KCNIP1: variants seen among roughly 807,000 people sequenced by gnomAD.
KCNIP1 encodes the protein A-type potassium channel modulatory protein KCNIP1.
A neutral mutation model predicts 33.0 loss-of-function variants in KCNIP1; 18 were observed. That is an observed-to-expected ratio of 0.55 (90% CI 0.38 to 0.81). The LOEUF is 0.81. KCNIP1 is among the 30% of genes least tolerant of loss of function. KCNIP1 has a pLI of 0.00. For missense variants in KCNIP1, 238 were observed against 271.6 expected (o/e 0.88, Z 0.87); for synonymous variants, 93 against 98.3 (o/e 0.95, Z 0.32).
intron 1 of KCNIP1, among the ~76,000 whole-genome samples, chr5:170,551,034 A>G (rs917310404): frequency 6.6e-6 from 1 of 152,140 alleles, no homozygotes; most frequent in Non-Finnish European, 1.5e-5. Flanking sequence ...CACTGTGCCA[A>G]TGTAAGCTTC....
intron 1 of KCNIP1, among the ~76,000 whole-genome samples, chr5:170,393,795 A>G (rs1242073883): frequency 6.6e-6 from 1 of 152,100 alleles, no homozygotes; most frequent in Non-Finnish European, 1.5e-5. Flanking sequence ...TCTTTTCACC[A>G]TATTTTCCCT....
At chr5:170,580,682 C>T (rs1732706217) in intron 1 of KCNIP1, among the ~76,000 whole-genome samples, 1 of 152,084 alleles carries the variant, frequency 6.6e-6, no homozygotes, top group South Asian at 2.1e-4. Flanking sequence ...GATGTATTAA[C>T]ATGAAGAAAA....
At chr5:170,361,747 T>C (rs1763518464) in intron 1 of KCNIP1, among the ~76,000 whole-genome samples, 1 of 152,230 alleles carries the variant, frequency 6.6e-6, no homozygotes, top group Non-Finnish European at 1.5e-5. Flanking sequence ...CAGCATCTCC[T>C]GCTGTATTCT....
intron 1 of KCNIP1, among the ~76,000 whole-genome samples, chr5:170,647,924 T>C (rs1469529269): frequency 1.3e-5 from 2 of 152,088 alleles, no homozygotes; most frequent in African/African-American, 2.4e-5. Flanking sequence ...CTCTTAAAAA[T>C]CAATAATTAG....
At chr5:170,465,201 A>T (rs1194095093) in intron 1 of KCNIP1, among the ~76,000 whole-genome samples, 1 of 152,212 alleles carries the variant, frequency 6.6e-6, no homozygotes, top group African/African-American at 2.4e-5. Context: ...TACAGATGAT[A>T]AAATTTTTCT....
At chr5:170,638,653 C>T (rs185149023) in intron 1 of KCNIP1, among the ~76,000 whole-genome samples, 2 of 152,288 alleles carry the variant, frequency 1.3e-5, no homozygotes, top group East Asian at 3.9e-4. Context: ...AGACCTCCCT[C>T]CTCCTCTCTA....
intron 1 of KCNIP1, among the ~76,000 whole-genome samples, chr5:170,653,391 A>C (rs1402381179): frequency 6.6e-6 from 1 of 150,502 alleles, no homozygotes; most frequent in Non-Finnish European, 1.5e-5. Flanking sequence ...CCTTCTCCTC[A>C]CTCTTCATCA....
intron 1 of KCNIP1, among the ~76,000 whole-genome samples, chr5:170,677,371 G>C (rs1248223495): frequency 1.3e-5 from 2 of 152,194 alleles, no homozygotes; most frequent in Non-Finnish European, 2.9e-5. Context: ...ATCAGGGACT[G>C]TGCTGAGCAG....
At chr5:170,601,024 T>C (rs530015516) in intron 1 of KCNIP1, among the ~76,000 whole-genome samples, 1 of 152,372 alleles carries the variant, frequency 6.6e-6, no homozygotes, top group South Asian at 2.1e-4. Context: ...ACAAGTCACT[T>C]AGCCTCTCTG....
intron 1 of KCNIP1, among the ~76,000 whole-genome samples, chr5:170,367,421 G>T (rs61157492): frequency 1.3e-5 from 1 of 74,664 alleles, no homozygotes; most frequent in African/African-American, 5.2e-5. Flanking sequence ...AAGAAAGAAA[G>T]GAAAGAAAGA....
At chr5:170,569,233 A>T (rs527508285) in intron 1 of KCNIP1, among the ~76,000 whole-genome samples, 1 of 152,378 alleles carries the variant, frequency 6.6e-6, no homozygotes, top group Non-Finnish European at 1.5e-5. Context: ...CAACTTTGCA[A>T]GCTTCTTCAA....
intron 1 of KCNIP1, among the ~76,000 whole-genome samples, chr5:170,459,727 C>T (rs1756463714): frequency 6.6e-6 from 1 of 152,132 alleles, no homozygotes; most frequent in Non-Finnish European, 1.5e-5. Flanking sequence ...TAAAGGCCTA[C>T]ATTGAAAAGT....
At chr5:170,462,264 C>CAAAAAAAAAAAAAAAAAAAAAAAACA (rs760686464) in intron 1 of KCNIP1, among the ~76,000 whole-genome samples, 1 of 52,046 alleles carries the variant, frequency 1.9e-5, no homozygotes, top group Non-Finnish European at 3.5e-5. Context: ...AACAAATTAG[C>CAAAAAAAAAAAAAAAAAAAAAAAACA]AAAAAAAAAA....
chr5:170,515,545 T>C (rs1581261248), intron 1 of KCNIP1, among the ~76,000 whole-genome samples: 1 of 152,374 alleles, frequency 6.6e-6, no homozygotes, highest in African/African-American at 2.4e-5. Context: ...ACCTATAGCA[T>C]GCTATGTGCT....
At chr5:170,535,240 C>A (rs572913868) in intron 1 of KCNIP1, among the ~76,000 whole-genome samples, 3 of 152,294 alleles carry the variant, frequency 2.0e-5, no homozygotes, top group African/African-American at 7.2e-5. Flanking sequence ...CCTCCACTCC[C>A]CTAGCTGACA....
At chr5:170,623,724 C>CA (rs1471431828) in intron 1 of KCNIP1, among the ~76,000 whole-genome samples, 1 of 152,184 alleles carries the variant, frequency 6.6e-6, no homozygotes, top group Non-Finnish European at 1.5e-5. Context: ...CAAGGCTCTG[C>CA]AAAATGGCGT....
chr5:170,676,150 G>A (rs918400131), intron 1 of KCNIP1, among the ~76,000 whole-genome samples: 1 of 118,708 alleles, frequency 8.4e-6, no homozygotes, highest in Non-Finnish European at 1.8e-5. Context: ...GGGAGAGAAG[G>A]GGGAGGTAGG....
rs183330863 is a variant in KCNIP1 at position 170,637,815 on chromosome 5, G to A, written c.62-80943G>A. Among the ~76,000 whole-genome samples the A allele has an allele frequency of 1.9e-3, 293 of 152,214 alleles. 2 individuals are homozygous for A. The highest frequency in any genetic ancestry group is 6.6e-3 in the African/African-American group (275 of 41,520). ...CTCCCCTACTGAAATACATGTGAGC[G>A]ATGCTGGGGCAGGCCGACTAGAAGA... On this transcript the variant is annotated intron_variant, in intron 1 of 7. Coordinates refer to ENST00000328939, the MANE Select transcript of KCNIP1 (RefSeq NM_014592.4).
chr5:170,674,555 C>T (rs1762058064), intron 1 of KCNIP1, among the ~76,000 whole-genome samples: 1 of 152,166 alleles, frequency 6.6e-6, no homozygotes, highest in African/African-American at 2.4e-5. Flanking sequence ...CTGCACCTGT[C>T]AGCTTGGAAC....
Sources: gnomAD v4.1 joint callset for allele counts (sites outside exome capture counted in the v4.1 genomes callset) on GRCh38, gnomAD v4.1.1 for gene constraint, MANE v1.5 for transcripts, NCBI Gene and HGNC (gene_info 2026-07-23, HGNC 2026-07-21) for gene names.